SLC22A3: variants seen among roughly 807,000 people sequenced by gnomAD.
The protein encoded by SLC22A3 is solute carrier family 22 member 3, also known as EMT organic cation transporter 3.
Under a neutral mutation model 59.1 loss-of-function variants are expected in SLC22A3, and 51 were observed. That is an observed-to-expected ratio of 0.86 (90% CI 0.69 to 1.09). SLC22A3 has a LOEUF of 1.09. Among genes scored for constraint, SLC22A3 ranks in the 50% least tolerant of loss-of-function variants. SLC22A3 has a pLI of 0.00. For missense variants in SLC22A3, 711 were observed against 726.3 expected, an observed-to-expected ratio of 0.98 and a Z score of 0.24; for synonymous variants, 325 against 292.0, an observed-to-expected ratio of 1.11 and a Z score of -1.15.
intron 5 of SLC22A3, among the ~76,000 whole-genome samples, chr6:160,422,086 G>A (rs1442379481): frequency 6.6e-6 from 1 of 152,226 alleles, no homozygotes; most frequent in Non-Finnish European, 1.5e-5. Context: ...ACCCAGAGCT[G>A]TGTTGCCATG....
intron 1 of SLC22A3, among the ~76,000 whole-genome samples, chr6:160,382,023 A>C (rs923654962): frequency 6.6e-6 from 1 of 152,224 alleles, no homozygotes; most frequent in African/African-American, 2.4e-5. Context: ...CATTTCCTAT[A>C]ATTTTTAAAT....
chr6:160,439,490 T>C (rs915880753), intron 7 of SLC22A3, among the ~76,000 whole-genome samples: 3 of 152,188 alleles, frequency 2.0e-5, no homozygotes, highest in African/African-American at 7.2e-5. Context: ...TTAATGTTTG[T>C]TGCATTCAGA....
intron 1 of SLC22A3, among the ~76,000 whole-genome samples, chr6:160,389,837 C>G (rs562874567): frequency 6.6e-6 from 1 of 152,314 alleles, no homozygotes; most frequent in Non-Finnish European, 1.5e-5. Context: ...GTTGGGCTGA[C>G]AGCCTTGGAG....
chr6:160,437,315 TCA>T, intron 7 of SLC22A3, 104 bp downstream of exon 7: 1 of 1,167,442 alleles, frequency 8.6e-7, no homozygotes, highest in South Asian at 1.2e-5. Flanking sequence ...TGCAATGGAA[TCA>T]CAGTCTTTCG....
chr6:160,393,599 T>A (rs1166578091), intron 1 of SLC22A3, among the ~76,000 whole-genome samples: 1 of 152,136 alleles, frequency 6.6e-6, no homozygotes, highest in Non-Finnish European at 1.5e-5. Context: ...TTCATCCATG[T>A]CCCTACAAAG....
chr6:160,368,079 A>G (rs1280840267), intron 1 of SLC22A3, among the ~76,000 whole-genome samples: 1 of 151,958 alleles, frequency 6.6e-6, no homozygotes, highest in East Asian at 1.9e-4. Flanking sequence ...AGTCATGTTG[A>G]GTGTCCTGAC....
At chr6:160,392,030 T>A (rs547032232) in intron 1 of SLC22A3, among the ~76,000 whole-genome samples, 10 of 152,298 alleles carry the variant, frequency 6.6e-5, no homozygotes, top group African/African-American at 2.4e-4. Context: ...CTCATAATGA[T>A]GCCTCTCTGC....
chr6:160,430,934 G>T (rs571178996), intron 5 of SLC22A3, among the ~76,000 whole-genome samples: 61 of 152,264 alleles, frequency 4.0e-4, no homozygotes, highest in East Asian at 9.7e-4. Flanking sequence ...AGCCCAGAGT[G>T]GGGGGAGGGG....
chr6:160,415,889 G>A lies in SLC22A3; in HGVS notation c.975+5043G>A, dbSNP rs1414870594. On this transcript the variant is annotated intron_variant, in intron 5 of 10. Coordinates refer to ENST00000275300, the MANE Select transcript of SLC22A3 (RefSeq NM_021977.4). The surrounding 1 kb of genome is among the most constrained non-coding windows in gnomAD (Gnocchi z 4.1). ...ACCTAGCTTAAATCTACCCAAGGAT[G>A]TTCCATATTACAGATAAGCTAAATT... 6.6e-6 allele frequency among the ~76,000 whole-genome samples: 1 copy of A among 152,164 alleles called. No individual in the cohort carries two copies. The highest frequency in any genetic ancestry group is 1.5e-5 in the Non-Finnish European group (1 of 68,028).
chr6:160,388,088 C>G (rs1231427056), intron 1 of SLC22A3, among the ~76,000 whole-genome samples: 1 of 152,140 alleles, frequency 6.6e-6, no homozygotes. Flanking sequence ...GAGACACTAA[C>G]AGGGAGAAGA....
At chr6:160,365,374 C>A (rs1394493700) in intron 1 of SLC22A3, among the ~76,000 whole-genome samples, 1 of 152,184 alleles carries the variant, frequency 6.6e-6, no homozygotes, top group Non-Finnish European at 1.5e-5. Flanking sequence ...TCCCAATCCA[C>A]CTGACTTGAG....
At chr6:160,440,730 A>G (rs115069251) in intron 7 of SLC22A3, among the ~76,000 whole-genome samples, 1,844 of 152,242 alleles carry the variant, frequency 0.012, 32 homozygotes, top group Middle Eastern at 0.075. Context: ...GAACCATGCA[A>G]TGCCTTAGAA....
intron 5 of SLC22A3, among the ~76,000 whole-genome samples, chr6:160,433,995 ATT>A (rs1254045558): frequency 6.6e-5 from 10 of 152,208 alleles, no homozygotes; most frequent in Admixed American, 5.9e-4. Flanking sequence ...GGACAGTGGT[ATT>A]GATATGTAGA....
intron 5 of SLC22A3, among the ~76,000 whole-genome samples, chr6:160,418,433 T>C (rs911435983): frequency 1.4e-4 from 22 of 152,224 alleles, no homozygotes; most frequent in Admixed American, 3.3e-4. Flanking sequence ...ACTCCTGGCT[T>C]CCTACCTCCT....
intron 7 of SLC22A3, among the ~76,000 whole-genome samples, chr6:160,437,571 G>T (rs1344891463): frequency 6.6e-6 from 1 of 152,176 alleles, no homozygotes; most frequent in Non-Finnish European, 1.5e-5. Context: ...GCTAAACGCT[G>T]AGGTTACACA....
chr6:160,396,004 T>C lies in SLC22A3; in HGVS notation c.430-1975T>C, dbSNP rs1319125308. Among the ~76,000 whole-genome samples the C allele has an allele frequency of 4.3e-4, 65 of 152,230 alleles. 1 individual carries two copies. Among genetic ancestry groups the C allele is most frequent in the Admixed American group, 4.3e-3 (65 of 15,282 alleles). On this transcript the variant is annotated intron_variant, in intron 1 of 10. Transcript: ENST00000275300. ...CATACCACTTGGAGATTTGCAAAGATGATCACAGGAATTGTCGGCCTGGAT... is the reference window on the plus strand; with the variant it reads ...CATACCACTTGGAGATTTGCAAAGACGATCACAGGAATTGTCGGCCTGGAT...
At chr6:160,401,703 G>C (rs1438143446) in intron 2 of SLC22A3, among the ~76,000 whole-genome samples, 1 of 151,872 alleles carries the variant, frequency 6.6e-6, no homozygotes, top group Admixed American at 6.6e-5. Context: ...GGTTGTGTAT[G>C]TTTATATATA....
intron 1 of SLC22A3, among the ~76,000 whole-genome samples, chr6:160,388,534 C>T (rs564958149): frequency 1.4e-4 from 21 of 152,226 alleles, no homozygotes; most frequent in African/African-American, 4.8e-4. Flanking sequence ...CATGAGCTCT[C>T]CTTTTGAAAA....
At chr6:160,373,885 T>C (rs141909377) in intron 1 of SLC22A3, among the ~76,000 whole-genome samples, 6,351 of 152,214 alleles carry the variant, frequency 0.042, 401 homozygotes, top group African/African-American at 0.13. Context: ...CCCAGGTCGA[T>C]TTCAGACTGC....
Sources: gnomAD v4.1 joint callset for allele counts (sites outside exome capture counted in the v4.1 genomes callset) on GRCh38, gnomAD v4.1.1 for gene constraint, Gnocchi (gnomAD v3.1) non-coding constraint, MANE v1.5 for transcripts, NCBI Gene and HGNC (gene_info 2026-07-23, HGNC 2026-07-21) for gene names.